ANKS1B: variants seen among roughly 807,000 people sequenced by gnomAD.
The protein encoded by ANKS1B is ankyrin repeat and sterile alpha motif domain-containing protein 1B.
ANKS1B carries 36 observed loss-of-function variants against 148.3 expected under a neutral mutation model. That is an observed-to-expected ratio of 0.24 (90% confidence interval 0.19 to 0.32). ANKS1B has a LOEUF of 0.32. Among genes scored for constraint, ANKS1B ranks in the 10% least tolerant of loss-of-function variants. ANKS1B has a pLI of 1.00. For missense variants in ANKS1B, 1,157 were observed against 1,542.6 expected (o/e 0.75, Z 4.19); for synonymous variants, 542 against 560.8 (o/e 0.97, Z 0.47).
intron 9 of ANKS1B, among the ~76,000 whole-genome samples, chr12:99,605,882 C>A (rs185319945): frequency 1.3e-4 from 20 of 152,144 alleles, no homozygotes; most frequent in Admixed American, 7.2e-4. Context: ...TATGGTAGCT[C>A]TATTTTTAAT....
At chr12:99,010,486 G>A (rs2099938665) in intron 17 of ANKS1B, among the ~76,000 whole-genome samples, 1 of 152,058 alleles carries the variant, frequency 6.6e-6, no homozygotes, top group Non-Finnish European at 1.5e-5. Context: ...AACATATATT[G>A]CATATGTATG....
intron 9 of ANKS1B, among the ~76,000 whole-genome samples, chr12:99,510,169 C>T (rs549905274): frequency 1.3e-5 from 2 of 152,028 alleles, no homozygotes; most frequent in East Asian, 1.9e-4. Flanking sequence ...TAGAGCTGTA[C>T]GAAGAGATTA....
At chr12:99,550,822 T>A (rs182150497) in intron 9 of ANKS1B, among the ~76,000 whole-genome samples, 2 of 152,308 alleles carry the variant, frequency 1.3e-5, no homozygotes, top group East Asian at 3.9e-4. Context: ...AAAGCTTCTG[T>A]AGATAAATGC....
chr12:99,231,931 T>C (rs1036489005), intron 14 of ANKS1B, among the ~76,000 whole-genome samples: 3 of 152,076 alleles, frequency 2.0e-5, no homozygotes, highest in Non-Finnish European at 4.4e-5. Context: ...AAAGAGGAGC[T>C]TGGATCAGGA....
At chr12:99,873,482 A>G (rs1291247788) in intron 1 of ANKS1B, among the ~76,000 whole-genome samples, 1 of 152,124 alleles carries the variant, frequency 6.6e-6, no homozygotes, top group African/African-American at 2.4e-5. Context: ...CCCTTTGTTT[A>G]CTGCTTAAAG....
chr12:99,943,132 G>A (rs1390473390), intron 1 of ANKS1B, among the ~76,000 whole-genome samples: 1 of 152,166 alleles, frequency 6.6e-6, no homozygotes, highest in African/African-American at 2.4e-5. Context: ...GGATTGAGCT[G>A]AGAGAATTAT....
chr12:99,575,269 G>T (rs2097504942), intron 9 of ANKS1B, among the ~76,000 whole-genome samples: 1 of 151,990 alleles, frequency 6.6e-6, no homozygotes, highest in South Asian at 2.1e-4. Context: ...TTCCAACCAA[G>T]AATTTCGTAT....
At chr12:99,650,228 A>C (rs535403366) in intron 9 of ANKS1B, among the ~76,000 whole-genome samples, 2 of 99,998 alleles carry the variant, frequency 2.0e-5, no homozygotes, top group Non-Finnish European at 2.5e-5. Flanking sequence ...ATCCTACATT[A>C]GGAGAATTAT....
intron 17 of ANKS1B, among the ~76,000 whole-genome samples, chr12:99,035,834 G>A (rs1246599215): frequency 6.6e-6 from 1 of 152,168 alleles, no homozygotes; most frequent in African/African-American, 2.4e-5. Flanking sequence ...AGTGGAAAAG[G>A]CAGCAGGGGT....
At chr12:99,783,190 C>CAAAAAAAAAA (rs766608067) in intron 4 of ANKS1B, among the ~76,000 whole-genome samples, 1 of 62,444 alleles carries the variant, frequency 1.6e-5, no homozygotes. Flanking sequence ...GAATCCATCG[C>CAAAAAAAAAA]AAAAAAAAAA....
At chr12:99,257,687 T>C (rs2075431766) in intron 12 of ANKS1B, among the ~76,000 whole-genome samples, 1 of 152,198 alleles carries the variant, frequency 6.6e-6, no homozygotes, top group Non-Finnish European at 1.5e-5. Context: ...TATCTACTTA[T>C]AGTGGTTTGC....
chr12:99,561,489 A>C (rs1361015181), intron 9 of ANKS1B, among the ~76,000 whole-genome samples: 1 of 151,946 alleles, frequency 6.6e-6, no homozygotes, highest in Non-Finnish European at 1.5e-5. Flanking sequence ...TCGGGAGGAA[A>C]TTTTTTTCTT....
At chr12:98,987,549 A>C (rs1478763447) in intron 17 of ANKS1B, among the ~76,000 whole-genome samples, 2 of 152,196 alleles carry the variant, frequency 1.3e-5, no homozygotes, top group Non-Finnish European at 2.9e-5. Context: ...TCTCACATGT[A>C]AAGTGATAAG....
chr12:99,955,325 T>C (rs988417921), intron 1 of ANKS1B, among the ~76,000 whole-genome samples: 3 of 151,564 alleles, frequency 2.0e-5, no homozygotes, highest in Non-Finnish European at 4.4e-5. Context: ...AAACCCCGTC[T>C]CTACTAAAAA....
chr12:98,991,160 G>T (rs1380320067), intron 17 of ANKS1B, among the ~76,000 whole-genome samples: 1 of 152,138 alleles, frequency 6.6e-6, no homozygotes, highest in Admixed American at 6.5e-5. Context: ...GCTAAACTGT[G>T]ATCAAAATTA....
At chr12:98,761,335 G>C (rs769268252) in intron 25 of ANKS1B, among the ~76,000 whole-genome samples, 1 of 152,238 alleles carries the variant, frequency 6.6e-6, no homozygotes, top group Non-Finnish European at 1.5e-5. Context: ...GCCTAGGACA[G>C]AAAGTTCCTT....
chr12:98,780,961 G>A (rs891359816), intron 24 of ANKS1B, among the ~76,000 whole-genome samples, 156 bp downstream of exon 24: 1 of 152,104 alleles, frequency 6.6e-6, no homozygotes, highest in Non-Finnish European at 1.5e-5. Context: ...GTGTGTACAT[G>A]AGCGTGTATC....
chr12:98,895,137 C>G (rs561520211), intron 17 of ANKS1B: 3 of 985,022 alleles, frequency 3.0e-6, no homozygotes, highest in South Asian at 4.7e-5. Flanking sequence ...GCTTACCGCT[C>G]GGGCGGACCC....
At chr12:98,994,895 T>A (rs2099928604) in intron 17 of ANKS1B, among the ~76,000 whole-genome samples, 1 of 152,192 alleles carries the variant, frequency 6.6e-6, no homozygotes, top group Non-Finnish European at 1.5e-5. Context: ...CATTCTGAGG[T>A]ACTGGAGATT....
Sources: allele counts gnomAD v4.1 joint callset (sites outside exome capture counted in the v4.1 genomes callset), GRCh38; gene constraint gnomAD v4.1.1; transcripts MANE v1.5; gene names NCBI Gene and HGNC (gene_info 2026-07-23, HGNC 2026-07-21).